Variants in SOCS7 observed in about 807,000 individuals in gnomAD.
SOCS7 encodes NAP-4.
In SOCS7, 18 loss-of-function variants were observed where a neutral mutation model predicts 58.9. The ratio of observed to expected loss-of-function variants is 0.31; its 90% CI spans 0.21 to 0.45. The LOEUF is 0.45. SOCS7 is among the 20% of genes least tolerant of loss of function. The pLI, the probability that SOCS7 is intolerant of heterozygous loss-of-function variation, is 1.00. For missense variants in SOCS7, 667 were observed against 837.3 expected (o/e 0.80, Z 2.51); for synonymous variants, 388 against 364.3 (o/e 1.06, Z -0.74).
Position 38,400,524 on chromosome 17 carries a change from C to T in SOCS7, c.*1042C>T, listed in dbSNP as rs2038305143. 1 of 152,342 alleles carries T rather than the reference C, an allele frequency of 6.6e-6. No individual in the cohort carries two copies. Among genetic ancestry groups the T allele is most frequent in the Middle Eastern group, 3.4e-3 (1 of 296 alleles). The allele number at this position is 152,342 out of a possible 1,614,324, so 9.4% of individuals were successfully genotyped here. ...GGAGGAAGGTGAGAAATACAGCTCC[C>T]ACAGTTGTGCTCTTCCTAGAGGAAG... On this transcript the variant is annotated 3_prime_UTR_variant, in exon 10 of 10. Transcript: ENST00000612932.
chr17:38,394,228 AT>A (rs1218008303), intron 7 of SOCS7, among the ~76,000 whole-genome samples: 2 of 152,164 alleles, frequency 1.3e-5, no homozygotes, highest in Non-Finnish European at 2.9e-5. Context: ...TGGTACTCCC[AT>A]TGAGTCTATT....
chr17:38,383,929 G>A (rs1194497323), intron 7 of SOCS7, among the ~76,000 whole-genome samples: 2 of 152,102 alleles, frequency 1.3e-5, no homozygotes, highest in Non-Finnish European at 2.9e-5. Flanking sequence ...TTTCACTTAC[G>A]CTTGTGAAAG....
At chr17:38,375,294 A>G (rs1373729259) in intron 6 of SOCS7, among the ~76,000 whole-genome samples, 1 of 151,406 alleles carries the variant, frequency 6.6e-6, no homozygotes, top group East Asian at 1.9e-4. Context: ...CACCTTCTCT[A>G]CCTCTTCTAC....
intron 7 of SOCS7, 87 bp downstream of exon 7, chr17:38,377,929 T>A (rs1292922732): frequency 7.5e-7 from 1 of 1,338,574 alleles, no homozygotes; most frequent in Non-Finnish European, 1.0e-6. Flanking sequence ...CAAAAGGCCA[T>A]GGTTAAGCTT....
rs1180424594 is a variant in SOCS7 at position 38,377,764 on chromosome 17, G to A, written c.1603G>A (p.Val535Ile). ...CAAGTTTGAGGACCGCTGTCAATCT[G>A]TTGTAGAGTTTATTAAGAGAGCCAT... is the stretch of plus-strand genomic sequence containing the variant. The part of the protein sequence containing the change: ...HPKFEDRCQS[V>I]VEFIKRAIMH... Residue 535 changes from valine to isoleucine, a missense_variant, in exon 7 of 10, where the codon GTT becomes ATT. Around this residue, in one of 9 missense-constraint regions of SOCS7, gnomAD observed 76 missense variants for 194.5 expected, o/e 0.39. Transcript: ENST00000612932. 1.2e-6 allele frequency: 2 copies of A among 1,613,704 alleles called. No homozygotes were observed. The highest frequency in any genetic ancestry group is 1.1e-5 in the South Asian group (1 of 91,008).
At chr17:38,357,718 G>A (rs904293040) in intron 1 of SOCS7, among the ~76,000 whole-genome samples, 1 of 152,236 alleles carries the variant, frequency 6.6e-6, no homozygotes. Flanking sequence ...GTGTGCTTTA[G>A]CAGGGGCAGA....
intron 7 of SOCS7, among the ~76,000 whole-genome samples, chr17:38,382,592 G>A (rs1053350149): frequency 1.3e-5 from 2 of 151,962 alleles, no homozygotes; most frequent in Non-Finnish European, 2.9e-5. Context: ...GAGTTCAAAC[G>A]ATTCTCCTTC....
chr17:38,370,920 A>C (rs577040674), intron 6 of SOCS7, among the ~76,000 whole-genome samples: 1 of 152,152 alleles, frequency 6.6e-6, no homozygotes, highest in Non-Finnish European at 1.5e-5. Flanking sequence ...AAGTGTTGGG[A>C]TTACAAGCAT....
intron 1 of SOCS7, among the ~76,000 whole-genome samples, chr17:38,354,366 A>G (rs1323126681): frequency 6.6e-6 from 1 of 152,174 alleles, no homozygotes; most frequent in East Asian, 1.9e-4. Context: ...AACTTTTTAA[A>G]AGCTCCCCAG....
In SOCS7 at chr17:38,402,972, T is replaced by C. The variant is rs1410631932; in HGVS notation, c.*3490T>C. The C allele has an allele frequency of 6.6e-6, 1 of 152,234 alleles. No homozygotes were observed. Among genetic ancestry groups the C allele is most frequent in the African/African-American group, 2.4e-5 (1 of 41,434 alleles). 9.4% of individuals were successfully genotyped at this position (152,234 alleles called of 1,614,324 possible). A position where few individuals can be genotyped will look rare whatever the true frequency, so the allele number is the denominator to read the frequency against. The stretch of plus-strand genomic sequence containing the variant: ...GCTGTTACTTGAAATTCGTGTGCTA[T>C]GTTGGTAGCACAGGAGTAGGCGGGC... On this transcript the variant is annotated 3_prime_UTR_variant, in exon 10 of 10. Coordinates refer to ENST00000612932, the MANE Select transcript of SOCS7 (RefSeq NM_014598.4).
chr17:38,358,985 G>C (rs2037678050), intron 1 of SOCS7, among the ~76,000 whole-genome samples: 1 of 152,188 alleles, frequency 6.6e-6, no homozygotes, highest in Non-Finnish European at 1.5e-5. Context: ...TTCAGTGCTT[G>C]GCACTGAAGA....
chr17:38,368,105 C>A, intron 6 of SOCS7, 55 bp downstream of exon 6: 1 of 1,478,126 alleles, frequency 6.8e-7, no homozygotes. Context: ...TCTACCTTTG[C>A]TGTCTGACTT....
chr17:38,390,250 C>T (rs1475002737), intron 7 of SOCS7, among the ~76,000 whole-genome samples: 4 of 152,032 alleles, frequency 2.6e-5, no homozygotes, highest in South Asian at 2.1e-4. Flanking sequence ...GGTTAATTTC[C>T]GGACTCAGTT....
At chr17:38,365,722 A>T (rs41524746) in intron 4 of SOCS7, 26,013 of 264,790 alleles carry the variant, frequency 0.098, 1,445 homozygotes, top group East Asian at 0.17. Flanking sequence ...TAATTTCAGG[A>T]TAGTGAGGTT....
At chr17:38,364,680 G>A in intron 2 of SOCS7, 72 bp from the exon 3 acceptor site, 2 of 1,280,422 alleles carry the variant, frequency 1.6e-6, no homozygotes, top group Non-Finnish European at 2.3e-6. Context: ...CTTGCCCTTT[G>A]CTTCCCTTTG....
rs554690445 is a variant in SOCS7 at position 38,383,744 on chromosome 17, A to G, written c.1681+5902A>G. 5.9e-5 allele frequency among the ~76,000 whole-genome samples: 9 copies of G among 152,108 alleles called. No individual in the cohort carries two copies. The South Asian group carries it at 1.9e-3, about 32-fold the overall frequency. On this transcript the variant is annotated intron_variant, in intron 7 of 9. Coordinates refer to ENST00000612932, the MANE Select transcript of SOCS7 (RefSeq NM_014598.4). Reference sequence around the variant, plus strand: ...TATTTTTTAGAGACGGGGTTTCACCATATTGGTCAGGCTGGTCTCGAACTC... The same window carrying G: ...TATTTTTTAGAGACGGGGTTTCACCGTATTGGTCAGGCTGGTCTCGAACTC...
chr17:38,352,879 T>A lies in SOCS7; in HGVS notation c.827T>A (p.Ile276Asn). ...AGPSRKGSFKIRLSRLFRTKS... is the reference protein window; with the variant it reads ...AGPSRKGSFKNRLSRLFRTKS... Reference sequence around the variant, plus strand: ...CCTTCTCGGAAGGGCTCCTTCAAAATCCGCCTCAGTCGCCTCTTTCGCACC... The same window carrying A: ...CCTTCTCGGAAGGGCTCCTTCAAAAACCGCCTCAGTCGCCTCTTTCGCACC... Residue 276 changes from isoleucine (I) to asparagine (N), a missense_variant, in exon 1 of 10, where the codon ATC becomes AAC. Physicochemically the swap from Ile to Asn is moderately radical, Grantham distance 149. Around this residue, in one of 9 missense-constraint regions of SOCS7, gnomAD observed 208 missense variants for 190.3 expected, o/e 1.09. Coordinates refer to ENST00000612932, the MANE Select transcript of SOCS7 (RefSeq NM_014598.4). The surrounding 1 kb of genome is among the most constrained non-coding windows in gnomAD (Gnocchi z 5.5). The A allele has an allele frequency of 6.3e-7, 1 of 1,596,480 alleles. No homozygotes were observed. The highest frequency in any genetic ancestry group is 1.1e-5 in the South Asian group (1 of 87,902).
intron 7 of SOCS7, among the ~76,000 whole-genome samples, chr17:38,384,306 T>G (rs1169814437): frequency 2.0e-5 from 3 of 152,138 alleles, no homozygotes; most frequent in Non-Finnish European, 1.5e-5. Flanking sequence ...ACTTTTGTTT[T>G]GTTTTGTTTT....
chr17:38,385,339 G>A (rs747662111), intron 7 of SOCS7, among the ~76,000 whole-genome samples: 1 of 151,608 alleles, frequency 6.6e-6, no homozygotes, highest in Non-Finnish European at 1.5e-5. Flanking sequence ...TCTGTACTCT[G>A]AATTTCCTGT....
Sources: gnomAD v4.1 joint callset for allele counts (sites outside exome capture counted in the v4.1 genomes callset) on GRCh38, gnomAD v4.1.1 for gene constraint, gnomAD v4.1.1 regional missense constraint, Gnocchi (gnomAD v3.1) non-coding constraint, MANE v1.5 for transcripts, NCBI Gene and HGNC (gene_info 2026-07-23, HGNC 2026-07-21) for gene names.